Variants in NRXN1 observed in about 807,000 individuals in gnomAD.
NRXN1 encodes neurexin-1.
In NRXN1, 39 loss-of-function variants were observed where a neutral mutation model predicts 150.9. The ratio of observed to expected loss-of-function variants is 0.26; its 90% CI spans 0.20 to 0.34. The LOEUF is 0.34. Ranked by LOEUF, NRXN1 falls within the 10% of genes least tolerant of loss-of-function variation. The pLI is 1.00. For synonymous variants in NRXN1, 924 were observed against 757.0 expected, an observed-to-expected ratio of 1.22 and a Z score of -3.62; for missense variants, 1,815 against 1,949.9, an observed-to-expected ratio of 0.93 and a Z score of 1.30.
chr2:50,170,977 G>A (rs971378517), intron 18 of NRXN1, among the ~76,000 whole-genome samples: 1 of 152,080 alleles, frequency 6.6e-6, no homozygotes, highest in Admixed American at 6.6e-5. Context: ...GTTATATGTA[G>A]TATATACTGC....
At chr2:50,424,109 G>A (rs2084244618) in intron 17 of NRXN1, among the ~76,000 whole-genome samples, 1 of 133,818 alleles carries the variant, frequency 7.5e-6, no homozygotes, top group South Asian at 2.8e-4. Context: ...CCTTACATGA[G>A]AAAGAAGAAG....
chr2:51,001,160 C>T (rs1298736420), intron 2 of NRXN1, among the ~76,000 whole-genome samples: 1 of 134,506 alleles, frequency 7.4e-6, no homozygotes, highest in Non-Finnish European at 1.5e-5. Context: ...GTAGTAAACA[C>T]AGTAAAGCTC....
chr2:50,376,807 A>C lies in NRXN1; in HGVS notation c.3364+88635T>G, dbSNP rs528461091. Among the ~76,000 whole-genome samples the C allele has an allele frequency of 1.9e-4, 29 of 152,252 alleles. 1 individual carries two copies. The highest frequency in any genetic ancestry group is 5.8e-4 in the African/African-American group (24 of 41,550). The stretch of plus-strand genomic sequence containing the variant: ...TAGAGTTGAAGAAACTCTTAACAAT[A>C]ACTTAACAACCATTCCAATCCCCTT... On this transcript the variant is annotated intron_variant, in intron 17 of 22. Coordinates refer to ENST00000401669, the MANE Select transcript of NRXN1 (RefSeq NM_001330078.2).
intron 17 of NRXN1, among the ~76,000 whole-genome samples, chr2:50,281,041 AT>A (rs1190386216): frequency 6.6e-6 from 1 of 151,790 alleles, no homozygotes; most frequent in Non-Finnish European, 1.5e-5. Flanking sequence ...GCGGTGGCTC[AT>A]GCCTGTAATC....
At chr2:50,042,283 G>A (rs1465310519) in intron 21 of NRXN1, among the ~76,000 whole-genome samples, 2 of 152,074 alleles carry the variant, frequency 1.3e-5, no homozygotes, top group Admixed American at 6.6e-5. Context: ...CATGTGCCAC[G>A]GGAGGGACCC....
chr2:50,850,748 T>C (rs1015010055), intron 5 of NRXN1, among the ~76,000 whole-genome samples: 1 of 152,180 alleles, frequency 6.6e-6, no homozygotes, highest in African/African-American at 2.4e-5. Flanking sequence ...TAAGGTTTTT[T>C]TTTTTCCACA....
At position 51,027,999 on chromosome 2, in the gene NRXN1, C is replaced by G. The variant is rs1189619468; in HGVS notation, c.275G>C (p.Ser92Thr). 1 of 1,600,456 alleles carries G rather than the reference C, an allele frequency of 6.2e-7. No homozygotes were observed. Among genetic ancestry groups the G allele is most frequent in the African/African-American group, 1.3e-5 (1 of 74,866 alleles). ...ILTRGGRLQL[S>T]FSIFCAEPAT... ...AGGCTCAGCGCAGAAGATGGAGAAG[C>G]TGAGCTGCAGGCGGCCGCCGCGCGT... The change falls in exon 2 of 23, where the codon AGC (serine) becomes ACC (threonine). Residue 92 changes from serine to threonine, a missense_variant. Transcript: ENST00000401669.
intron 5 of NRXN1, among the ~76,000 whole-genome samples, chr2:50,691,086 T>A (rs772276070): frequency 6.6e-6 from 1 of 152,234 alleles, no homozygotes; most frequent in Non-Finnish European, 1.5e-5. Context: ...GATGGAGGCA[T>A]GACGTGAATC....
At chr2:50,121,166 G>A (rs1407646916) in intron 18 of NRXN1, among the ~76,000 whole-genome samples, 2 of 152,114 alleles carry the variant, frequency 1.3e-5, no homozygotes, top group Non-Finnish European at 2.9e-5. Context: ...TGGGATTAGA[G>A]GTGTGCCACC....
intron 13 of NRXN1, among the ~76,000 whole-genome samples, chr2:50,498,824 A>C (rs890582645): frequency 1.3e-5 from 2 of 152,198 alleles, no homozygotes; most frequent in South Asian, 4.1e-4. Context: ...CTGCAACTAA[A>C]AATGCTCATT....
At chr2:50,038,883 T>C (rs113174138) in intron 21 of NRXN1, among the ~76,000 whole-genome samples, 62,577 of 151,100 alleles carry the variant, frequency 0.41, 13,622 homozygotes, top group Middle Eastern at 0.51. Flanking sequence ...AGTCTTTCTT[T>C]TAAAAGCAAA....
chr2:50,600,774 T>C (rs1367502076), intron 8 of NRXN1, among the ~76,000 whole-genome samples: 1 of 152,182 alleles, frequency 6.6e-6, no homozygotes, highest in East Asian at 1.9e-4. Context: ...ACTTTTTAGT[T>C]AGATGATGAC....
chr2:50,630,722 G>C (rs1405916618), intron 5 of NRXN1, among the ~76,000 whole-genome samples: 1 of 151,564 alleles, frequency 6.6e-6, no homozygotes, highest in Non-Finnish European at 1.5e-5. Flanking sequence ...ATGATTCAAA[G>C]ATTATGTTCA....
intron 9 of NRXN1, among the ~76,000 whole-genome samples, chr2:50,546,116 T>C (rs529705839): frequency 3.1e-4 from 47 of 152,184 alleles, no homozygotes; most frequent in African/African-American, 9.9e-4. Context: ...CTCCCTCCAC[T>C]CTAATCAGAC....
chr2:50,476,147 T>C (rs1027408111), intron 15 of NRXN1, among the ~76,000 whole-genome samples: 10 of 152,144 alleles, frequency 6.6e-5, no homozygotes, highest in Non-Finnish European at 5.9e-5. Flanking sequence ...AGAGAACATG[T>C]ACAATACCAA....
chr2:50,975,079 A>C (rs1381391423), intron 2 of NRXN1, among the ~76,000 whole-genome samples: 2 of 152,162 alleles, frequency 1.3e-5, no homozygotes, highest in Non-Finnish European at 1.5e-5. Context: ...AAAACTACTA[A>C]GATGTCATTT....
chr2:50,971,375 G>C (rs765806749), intron 2 of NRXN1, among the ~76,000 whole-genome samples: 2 of 152,044 alleles, frequency 1.3e-5, no homozygotes, highest in African/African-American at 4.8e-5. Context: ...ACAAGGTCAG[G>C]AGTTTGAGAC....
At chr2:50,079,514 T>C (rs1047666698) in intron 19 of NRXN1, among the ~76,000 whole-genome samples, 2 of 152,236 alleles carry the variant, frequency 1.3e-5, no homozygotes, top group Admixed American at 1.3e-4. Context: ...TTTTCTTTTT[T>C]TAAATTATGA....
At chr2:50,941,448 C>T (rs1172506529) in intron 2 of NRXN1, among the ~76,000 whole-genome samples, 1 of 151,898 alleles carries the variant, frequency 6.6e-6, no homozygotes, top group Non-Finnish European at 1.5e-5. Context: ...GTTGAATGGT[C>T]CTGACCAAAA....
Sources: allele counts gnomAD v4.1 joint callset (sites outside exome capture counted in the v4.1 genomes callset), GRCh38; gene constraint gnomAD v4.1.1; transcripts MANE v1.5; gene names NCBI Gene and HGNC (gene_info 2026-07-23, HGNC 2026-07-21).